The following CHAT variants were observed in gnomAD, a reference collection of about 807,000 sequenced individuals.
CHAT encodes the protein acetyl CoA:choline O-acetyltransferase.
A neutral mutation model predicts 76.9 loss-of-function variants in CHAT; 61 were observed. The ratio of observed to expected loss-of-function variants is 0.79; its 90% confidence interval spans 0.65 to 0.98. The LOEUF (loss-of-function observed/expected upper bound fraction) is 0.98. Among genes scored for constraint, CHAT ranks in the 50% least tolerant of loss-of-function variants. The pLI is 0.00. For missense variants in CHAT, 946 were observed against 986.9 expected (o/e 0.96, Z 0.56); for synonymous variants, 407 against 397.4 (o/e 1.02, Z -0.29).
At chr10:49,662,301 A>G (rs1840217411) in intron 13 of CHAT, among the ~76,000 whole-genome samples, 1 of 152,310 alleles carries the variant, frequency 6.6e-6, no homozygotes, top group East Asian at 1.9e-4. Context: ...AGTTGAGAAG[A>G]CCAGGCCAGC....
chr10:49,631,988 C>T (rs550134412), intron 7 of CHAT, among the ~76,000 whole-genome samples: 12 of 151,880 alleles, frequency 7.9e-5, no homozygotes, highest in Non-Finnish European at 1.5e-4. Flanking sequence ...CCTAACAGCT[C>T]CAGCTCCAAA....
At chr10:49,612,423 G>A, upstream of CHAT, 1 of 1,367,456 alleles carries the variant, frequency 7.3e-7, no homozygotes, top group South Asian at 1.4e-5. Flanking sequence ...TCTGGCTCAG[G>A]GCCCACCTCC....
upstream of CHAT, chr10:49,610,728 T>G (rs776566617): frequency 6.0e-6 from 9 of 1,489,400 alleles, no homozygotes; most frequent in African/African-American, 1.3e-4. Flanking sequence ...CGGAAGAGCA[T>G]CGGGGTGGGG....
At position 49,665,413 on chromosome 10, in the gene CHAT, C is replaced by G. The variant is rs1459892540; in HGVS notation, c.*367C>G. Among the ~76,000 whole-genome samples the G allele has an allele frequency of 1.3e-5, 2 of 152,052 alleles. No homozygotes were observed. Among genetic ancestry groups the G allele is most frequent in the Non-Finnish European group, 2.9e-5 (2 of 68,004 alleles). ...AGTATGTCCAGGTGATGCTTCTGCC[C>G]AAGGAAAGGATGAGTCACTCTATTA... On this transcript the variant is annotated 3_prime_UTR_variant, in exon 15 of 15. Transcript: ENST00000337653.
rs1427812643 is a variant in CHAT at position 49,665,499 on chromosome 10, C to CT, written c.*459dup. ...CTAACTCCAGGTCATTACCTCTTTTCTTTTTTGGGGGAGAGGAGGCTGTGT... is the reference window on the plus strand; with the variant it reads ...CTAACTCCAGGTCATTACCTCTTTTCTTTTTTTGGGGGAGAGGAGGCTGTGT... On this transcript the variant is annotated 3_prime_UTR_variant, in exon 15 of 15. Transcript: ENST00000337653. 1.3e-5 allele frequency among the ~76,000 whole-genome samples: 2 copies of CT among 152,156 alleles called. No individual in the cohort carries two copies. Among genetic ancestry groups the CT allele is most frequent in the East Asian group, 3.9e-4 (2 of 5,174 alleles).
chr10:49,652,538 T>C (rs1190812904), intron 11 of CHAT, among the ~76,000 whole-genome samples: 1 of 152,172 alleles, frequency 6.6e-6, no homozygotes, highest in Non-Finnish European at 1.5e-5. Flanking sequence ...TCCACTGCCA[T>C]TGGCCCCTCC....
At chr10:49,629,791 A>G (rs1357291608) in intron 7 of CHAT, among the ~76,000 whole-genome samples, 2 of 152,248 alleles carry the variant, frequency 1.3e-5, no homozygotes, top group Non-Finnish European at 2.9e-5. Context: ...CATCTACACA[A>G]CAGGAAACTG....
chr10:49,655,136 T>C lies in CHAT; in HGVS notation c.1676T>C (p.Ile559Thr). ...GTGCCCACCTACGAGAGCGCGTCCA[T>C]CCGCCGATTCCAGGAGGGACGCGTG... ...RLVPTYESAS[I>T]RRFQEGRVDN... The change falls in exon 12 of 15, where the codon ATC (isoleucine) becomes ACC (threonine). Residue 559 changes from isoleucine (I) to threonine (T), a missense_variant. Physicochemically the swap from Ile to Thr is moderately conservative, Grantham distance 89. Coordinates refer to ENST00000337653, the MANE Select transcript of CHAT (RefSeq NM_020549.5). 1 of 1,614,020 alleles carries C rather than the reference T, an allele frequency of 6.2e-7. No homozygotes were observed. Among genetic ancestry groups the C allele is most frequent in the Non-Finnish European group, 8.5e-7 (1 of 1,180,002 alleles).
intron 2 of CHAT, among the ~76,000 whole-genome samples, chr10:49,617,738 C>A (rs777014067): frequency 6.8e-6 from 1 of 148,050 alleles, no homozygotes. Flanking sequence ...ACACAGACCA[C>A]CCCCCCCACC....
rs889759952 is a variant in CHAT at position 49,664,838 on chromosome 10, C to T, written c.2039C>T (p.Ala680Val). ...YGPVVPNGYG[A>V]CYNPQPETIL... ...CCTGTGGTCCCAAATGGGTATGGTG[C>T]CTGCTACAACCCCCAGCCAGAGACC... The change falls in exon 15 of 15, where the codon GCC becomes GTC. Residue 680 changes from alanine (A) to valine (V), a missense_variant. Coordinates refer to ENST00000337653, the MANE Select transcript of CHAT (RefSeq NM_020549.5). The T allele has an allele frequency of 2.5e-6, 4 of 1,614,078 alleles. No homozygotes were observed. In the African/African-American group the frequency reaches 5.3e-5, roughly 22 times the overall value.
intron 7 of CHAT, among the ~76,000 whole-genome samples, chr10:49,640,119 T>C (rs1242110136): frequency 6.6e-6 from 1 of 152,022 alleles, no homozygotes; most frequent in Non-Finnish European, 1.5e-5. Context: ...ATGTTAAAAT[T>C]GCTTGTTGAG....
chr10:49,646,729 G>C, intron 8 of CHAT, 55 bp downstream of exon 8: 1 of 1,591,754 alleles, frequency 6.3e-7, no homozygotes, highest in Non-Finnish European at 8.6e-7. Context: ...GCGAGAGAGT[G>C]AGTAGGCAAG....
chr10:49,649,418 A>T (rs965595023), intron 9 of CHAT, 90 bp from the exon 10 acceptor site: 2 of 1,584,582 alleles, frequency 1.3e-6, no homozygotes, highest in Admixed American at 3.3e-5. Context: ...GCAAACACTG[A>T]CAGCTAAGAT....
intron 1 of CHAT, among the ~76,000 whole-genome samples, chr10:49,614,860 AGT>A (rs1564469404): frequency 1.3e-5 from 2 of 152,182 alleles, no homozygotes; most frequent in Non-Finnish European, 2.9e-5. Context: ...AAGGAGGAGC[AGT>A]GGCTGGTGGC....
chr10:49,619,738 T>C lies in CHAT; in HGVS notation c.401T>C (p.Leu134Pro), dbSNP rs1311331221. 6.2e-7 allele frequency: 1 copy of C among 1,612,238 alleles called. No homozygotes were observed. The change falls in exon 3 of 15, where the codon CTG becomes CCG. Residue 134 changes from leucine to proline, a missense_variant. Transcript: ENST00000337653. ...CCTTTCTTCCAGGGGCTGCCCAAAC[T>C]GCCCGTGCCCCCGCTGCAGCAGACC... ...PSSEESGLPK[L>P]PVPPLQQTLA...
chr10:49,663,058 C>A (rs1590629045), intron 14 of CHAT, among the ~76,000 whole-genome samples: 1 of 152,128 alleles, frequency 6.6e-6, no homozygotes, highest in East Asian at 1.9e-4. Flanking sequence ...CATGGGGAGA[C>A]CTCATCTCCC....
intron 7 of CHAT, among the ~76,000 whole-genome samples, chr10:49,644,007 T>C (rs1336142157): frequency 6.6e-6 from 1 of 152,042 alleles, no homozygotes; most frequent in African/African-American, 2.4e-5. Flanking sequence ...GGTCAGGGAT[T>C]GGGGGGCACC....
chr10:49,611,089 A>G (rs774410461), upstream of CHAT: 8 of 1,613,986 alleles, frequency 5.0e-6, no homozygotes, highest in Non-Finnish European at 6.8e-6. Context: ...CCGCTACCCT[A>G]CGGAGAGCGA....
chr10:49,620,876 A>T (rs548290128), intron 4 of CHAT, among the ~76,000 whole-genome samples: 1 of 152,304 alleles, frequency 6.6e-6, no homozygotes, highest in East Asian at 1.9e-4. Context: ...GGGTCCAAAT[A>T]TCCCCACAGC....
Sources: gnomAD v4.1 joint callset for allele counts (sites outside exome capture counted in the v4.1 genomes callset) on GRCh38, gnomAD v4.1.1 for gene constraint, MANE v1.5 for transcripts, NCBI Gene and HGNC (gene_info 2026-07-23, HGNC 2026-07-21) for gene names.